Variants in ST6GALNAC3 observed in about 807,000 individuals in gnomAD.
ST6GALNAC3 encodes the protein ST6 N-acetylgalactosaminide alpha-2,6-sialyltransferase 3.
A neutral mutation model predicts 32.7 loss-of-function variants in ST6GALNAC3; 25 were observed. The ratio of observed to expected loss-of-function variants is 0.76; its 90% confidence interval spans 0.56 to 1.07. ST6GALNAC3 has a LOEUF of 1.07. ST6GALNAC3 is among the 50% of genes least tolerant of loss of function. ST6GALNAC3 has a pLI of 0.00. For synonymous variants in ST6GALNAC3, 129 were observed against 133.1 expected, an observed-to-expected ratio of 0.97 and a Z score of 0.21; for missense variants, 355 against 382.4, an observed-to-expected ratio of 0.93 and a Z score of 0.60.
At chr1:76,591,963 T>C (rs1647054907) in intron 3 of ST6GALNAC3, among the ~76,000 whole-genome samples, 1 of 152,138 alleles carries the variant, frequency 6.6e-6, no homozygotes, top group South Asian at 2.1e-4. Flanking sequence ...TCTGAGTGGA[T>C]CAAACATAGC....
At chr1:76,547,285 G>A (rs1248665020) in intron 3 of ST6GALNAC3, among the ~76,000 whole-genome samples, 1 of 152,144 alleles carries the variant, frequency 6.6e-6, no homozygotes, top group Non-Finnish European at 1.5e-5. Context: ...ATTCCTTAGC[G>A]CCCCGTGAGG....
chr1:76,372,241 T>A (rs1316748237), intron 2 of ST6GALNAC3, among the ~76,000 whole-genome samples: 3 of 152,168 alleles, frequency 2.0e-5, no homozygotes, highest in African/African-American at 7.2e-5. Flanking sequence ...GTACTGAAAC[T>A]GGGTGTGTAG....
At chr1:76,356,579 T>C (rs1649467355) in intron 2 of ST6GALNAC3, among the ~76,000 whole-genome samples, 1 of 152,138 alleles carries the variant, frequency 6.6e-6, no homozygotes, top group African/African-American at 2.4e-5. Flanking sequence ...GATGAAAGGC[T>C]GCAGTGAGAC....
At chr1:76,358,035 A>G (rs369019336) in intron 2 of ST6GALNAC3, among the ~76,000 whole-genome samples, 1 of 152,114 alleles carries the variant, frequency 6.6e-6, no homozygotes. Context: ...CCTTCTGGCT[A>G]TATTCATCAG....
intron 1 of ST6GALNAC3, among the ~76,000 whole-genome samples, chr1:76,101,699 G>C (rs552054774): frequency 6.6e-6 from 1 of 152,096 alleles, no homozygotes; most frequent in African/African-American, 2.4e-5. Flanking sequence ...ACACAATAGG[G>C]TTCCCCTTAA....
chr1:76,467,493 G>A (rs1393265863), intron 3 of ST6GALNAC3, among the ~76,000 whole-genome samples: 1 of 151,872 alleles, frequency 6.6e-6, no homozygotes, highest in African/African-American at 2.4e-5. Flanking sequence ...ATAAAGCATG[G>A]TATAGTCAGA....
chr1:76,080,980 T>C (rs987293160), intron 1 of ST6GALNAC3, among the ~76,000 whole-genome samples: 1 of 152,150 alleles, frequency 6.6e-6, no homozygotes, highest in Non-Finnish European at 1.5e-5. Context: ...TGGGTAAAAG[T>C]AGTGCTCTTT....
At chr1:76,501,859 A>G (rs1309672071) in intron 3 of ST6GALNAC3, among the ~76,000 whole-genome samples, 1 of 152,224 alleles carries the variant, frequency 6.6e-6, no homozygotes, top group Admixed American at 6.5e-5. Context: ...AGCAGTCTGG[A>G]TATAGGCAGT....
intron 1 of ST6GALNAC3, among the ~76,000 whole-genome samples, chr1:76,198,634 T>C (rs111580040): frequency 6.6e-5 from 10 of 152,124 alleles, no homozygotes; most frequent in South Asian, 6.2e-4. Flanking sequence ...GAATCAAGTC[T>C]GCCTCAAGGT....
At chr1:76,199,962 T>C (rs1026407860) in intron 1 of ST6GALNAC3, among the ~76,000 whole-genome samples, 1 of 152,160 alleles carries the variant, frequency 6.6e-6, no homozygotes, top group Non-Finnish European at 1.5e-5. Flanking sequence ...AGAGTTGAGA[T>C]TCTTGATTAA....
intron 3 of ST6GALNAC3, among the ~76,000 whole-genome samples, chr1:76,625,142 C>A (rs114839770): frequency 6.6e-6 from 1 of 151,964 alleles, no homozygotes; most frequent in Non-Finnish European, 1.5e-5. Context: ...TCTAACTGCA[C>A]TCTGTGTTGA....
intron 1 of ST6GALNAC3, among the ~76,000 whole-genome samples, chr1:76,108,541 C>A (rs1287349083): frequency 8.5e-5 from 13 of 152,106 alleles, no homozygotes; most frequent in Admixed American, 8.5e-4. Flanking sequence ...CTGTGTTCAG[C>A]CAAGTTGTGT....
chr1:76,299,809 A>C (rs1425552768), intron 1 of ST6GALNAC3, among the ~76,000 whole-genome samples: 1 of 144,258 alleles, frequency 6.9e-6, no homozygotes, highest in Non-Finnish European at 1.5e-5. Flanking sequence ...ATCTCCAGAG[A>C]AAGTTTCATT....
chr1:76,300,660 A>C (rs1198572179), intron 1 of ST6GALNAC3, among the ~76,000 whole-genome samples: 1 of 152,024 alleles, frequency 6.6e-6, no homozygotes, highest in African/African-American at 2.4e-5. Context: ...AGGATTCTGA[A>C]GTTGCATCCT....
intron 3 of ST6GALNAC3, among the ~76,000 whole-genome samples, chr1:76,497,245 G>A (rs971287706): frequency 2.0e-5 from 3 of 152,066 alleles, no homozygotes; most frequent in Admixed American, 6.6e-5. Context: ...GAGACATAAC[G>A]GTAGGCAGGC....
intron 3 of ST6GALNAC3, among the ~76,000 whole-genome samples, chr1:76,501,020 G>T (rs535641811): frequency 8.5e-5 from 13 of 152,280 alleles, no homozygotes; most frequent in African/African-American, 2.9e-4. Context: ...CTAAGGTAGT[G>T]GGGGGAAGAC....
intron 3 of ST6GALNAC3, among the ~76,000 whole-genome samples, chr1:76,457,451 C>G (rs1266326587): frequency 2.0e-5 from 3 of 152,048 alleles, no homozygotes; most frequent in Non-Finnish European, 4.4e-5. Flanking sequence ...TGACTTCAAA[C>G]TATACTACAA....
chr1:76,628,476 T>C (rs1222408902), intron 4 of ST6GALNAC3, 144 bp from the exon 5 acceptor site: 4 of 761,240 alleles, frequency 5.3e-6, no homozygotes, highest in Admixed American at 3.5e-5. Flanking sequence ...ATACATATAA[T>C]AGCTTTTAAC....
intron 1 of ST6GALNAC3, among the ~76,000 whole-genome samples, chr1:76,307,113 C>T (rs1346937045): frequency 6.6e-6 from 1 of 152,124 alleles, no homozygotes; most frequent in Admixed American, 6.6e-5. Flanking sequence ...CAACGTCTCT[C>T]AGTGTGGCTG....
Sources: gnomAD v4.1 joint callset for allele counts (sites outside exome capture counted in the v4.1 genomes callset) on GRCh38, gnomAD v4.1.1 for gene constraint, MANE v1.5 for transcripts, NCBI Gene and HGNC (gene_info 2026-07-23, HGNC 2026-07-21) for gene names.